Variants in LATS2 observed in about 807,000 individuals in gnomAD.
LATS2 encodes serine/threonine-protein kinase LATS2.
A neutral mutation model predicts 76.0 loss-of-function variants in LATS2; 24 were observed. The observed-to-expected ratio is 0.32, with a 90% CI of 0.23 to 0.44. The LOEUF (loss-of-function observed/expected upper bound fraction) is 0.44. Ranked by LOEUF, LATS2 falls within the 20% of genes least tolerant of loss-of-function variation. The probability of loss-of-function intolerance (pLI) is 1.00; values close to 1 mark genes in which losing one functional copy is unlikely to be tolerated. For missense variants in LATS2, 1,286 were observed against 1,481.2 expected (o/e 0.87, Z 2.16); for synonymous variants, 692 against 635.4 (o/e 1.09, Z -1.34).
At chr13:21,022,424 C>T (rs1252069403) in intron 2 of LATS2, among the ~76,000 whole-genome samples, 2 of 152,202 alleles carry the variant, frequency 1.3e-5, no homozygotes, top group African/African-American at 4.8e-5. Context: ...CCCCACTAGC[C>T]CCGAAAGCCT....
Position 20,991,297 on chromosome 13 carries a change from C to T in LATS2, c.450G>A (p.Val150=). 1.9e-6 allele frequency: 3 copies of T among 1,614,224 alleles called. No homozygotes were observed. Among genetic ancestry groups the T allele is most frequent in the Non-Finnish European group, 2.5e-6 (3 of 1,180,034 alleles). ...CTGGGGAGGTCTGCTTAATGACCCG[C>T]ACAATCTGCTCATTCCTCGGGTCCA... is the stretch of plus-strand genomic sequence containing the variant. ...GYLDPRNEQI[V]RVIKQTSPGK... The change falls in exon 3 of 8, where the codon GTG becomes GTA. Residue 150 remains valine (V), a synonymous_variant. Transcript: ENST00000382592. The surrounding 1 kb of genome is among the most constrained non-coding windows in gnomAD (Gnocchi z 4.9).
chr13:21,030,061 T>C (rs1872460600), intron 2 of LATS2, among the ~76,000 whole-genome samples: 1 of 150,772 alleles, frequency 6.6e-6, no homozygotes, highest in African/African-American at 2.4e-5. Context: ...GAGGGGGAGG[T>C]TGGACTGAGC....
intron 2 of LATS2, among the ~76,000 whole-genome samples, chr13:21,024,231 C>G (rs749333942): frequency 1.3e-5 from 2 of 151,382 alleles, no homozygotes; most frequent in Non-Finnish European, 2.9e-5. Context: ...GTCAGGAGTT[C>G]AAGACCAGCC....
chr13:21,046,000 C>T lies in LATS2; in HGVS notation c.27G>A (p.Thr9=), dbSNP rs149553710. 5.7e-5 allele frequency: 92 copies of T among 1,613,370 alleles called. No homozygotes were observed. Among genetic ancestry groups the T allele is most frequent in the South Asian group, 8.8e-5 (8 of 91,058 alleles). MRPKTFPA[T]TYSGNSRQRL... ...GCTGCCGGCTATTTCCAGAATAAGT[C>T]GTGGCAGGAAAAGTCTTTGGCCTCA... The change falls in exon 2 of 8, where the codon ACG becomes ACA. Residue 9 remains threonine, a synonymous_variant. Coordinates refer to ENST00000382592, the MANE Select transcript of LATS2 (RefSeq NM_014572.3).
At chr13:20,999,446 T>G (rs1340675386) in intron 2 of LATS2, among the ~76,000 whole-genome samples, 2 of 152,230 alleles carry the variant, frequency 1.3e-5, no homozygotes, top group Admixed American at 6.5e-5. Context: ...CCAATTTTCA[T>G]ATCTGCTGCA....
At chr13:21,008,742 G>T (rs1275837243) in intron 2 of LATS2, among the ~76,000 whole-genome samples, 1 of 152,088 alleles carries the variant, frequency 6.6e-6, no homozygotes, top group African/African-American at 2.4e-5. Flanking sequence ...CTGAGGAAAG[G>T]TGTGTAAATT....
intron 2 of LATS2, among the ~76,000 whole-genome samples, chr13:21,006,711 A>G (rs568468186): frequency 4.6e-5 from 7 of 152,188 alleles, no homozygotes; most frequent in African/African-American, 1.2e-4. Flanking sequence ...TTACTCGACA[A>G]TGGCACATAG....
chr13:21,058,612 G>A (rs1307621165), intron 1 of LATS2, among the ~76,000 whole-genome samples: 1 of 152,218 alleles, frequency 6.6e-6, no homozygotes, highest in South Asian at 2.1e-4. Context: ...AAACTCGATG[G>A]AGAAGCCAGA....
intron 2 of LATS2, among the ~76,000 whole-genome samples, chr13:21,041,485 A>G (rs916108672): frequency 2.0e-5 from 3 of 152,190 alleles, no homozygotes; most frequent in African/African-American, 7.2e-5. Flanking sequence ...TCACTTAAAC[A>G]TGATAAAGTG....
intron 6 of LATS2, among the ~76,000 whole-genome samples, chr13:20,981,231 G>T (rs1385514274): frequency 6.6e-6 from 1 of 152,158 alleles, no homozygotes; most frequent in Non-Finnish European, 1.5e-5. Context: ...GGTAGAGCCC[G>T]AGGGCCAGCA....
At chr13:21,030,129 A>C (rs941596260) in intron 2 of LATS2, among the ~76,000 whole-genome samples, 1 of 151,968 alleles carries the variant, frequency 6.6e-6, no homozygotes, top group Admixed American at 6.6e-5. Flanking sequence ...CTTCAAAAAA[A>C]AAAAGGAAAA....
chr13:20,989,338 G>A, intron 3 of LATS2, 34 bp from the exon 4 acceptor site: 1 of 1,611,142 alleles, frequency 6.2e-7, no homozygotes. Context: ...CAGCATCAGA[G>A]TGGGTGTGAT....
intron 1 of LATS2, among the ~76,000 whole-genome samples, chr13:21,057,572 TCA>T (rs1873486977): frequency 6.6e-6 from 1 of 151,976 alleles, no homozygotes; most frequent in South Asian, 2.1e-4. Flanking sequence ...GGCGGGTGGA[TCA>T]CGAGGTCAGG....
chr13:21,048,845 AAAAAATAAAAAT>A (rs374488676), intron 1 of LATS2, among the ~76,000 whole-genome samples: 1,806 of 152,100 alleles, frequency 0.012, 29 homozygotes, highest in African/African-American at 0.041. Flanking sequence ...CTCAAAAAAT[AAAAAATAAAAAT>A]AAAAATAAAA....
At chr13:21,006,008 A>G (rs1021775274) in intron 2 of LATS2, among the ~76,000 whole-genome samples, 3 of 151,786 alleles carry the variant, frequency 2.0e-5, no homozygotes, top group African/African-American at 4.8e-5. Context: ...GTGGTGGCGC[A>G]TGTCTGTAAT....
chr13:21,016,468 C>A (rs1157495830), intron 2 of LATS2, among the ~76,000 whole-genome samples: 1 of 151,856 alleles, frequency 6.6e-6, no homozygotes, highest in Non-Finnish European at 1.5e-5. Context: ...TTAGTAGAGA[C>A]AGGGTTTCAC....
At chr13:21,051,653 C>T (rs1314862055) in intron 1 of LATS2, among the ~76,000 whole-genome samples, 1 of 152,082 alleles carries the variant, frequency 6.6e-6, no homozygotes, top group African/African-American at 2.4e-5. Context: ...AAGGCAGTGA[C>T]CAAAGGTGAA....
intron 2 of LATS2, among the ~76,000 whole-genome samples, chr13:21,001,926 T>A (rs558887111): frequency 4.0e-5 from 6 of 151,704 alleles, no homozygotes; most frequent in African/African-American, 1.4e-4. Context: ...AAATCCATTT[T>A]TTTTTGAGGC....
intron 2 of LATS2, 109 bp downstream of exon 2, chr13:21,045,576 T>C (rs1190438234): frequency 1.3e-5 from 10 of 773,628 alleles, no homozygotes; most frequent in Admixed American, 2.9e-5. Context: ...GAAACACTTG[T>C]ATAAGTAGTA....
Sources: gnomAD v4.1 joint callset for allele counts (sites outside exome capture counted in the v4.1 genomes callset) on GRCh38, gnomAD v4.1.1 for gene constraint, Gnocchi (gnomAD v3.1) non-coding constraint, MANE v1.5 for transcripts, NCBI Gene and HGNC (gene_info 2026-07-23, HGNC 2026-07-21) for gene names.